FARS2: variants seen among roughly 807,000 people sequenced by gnomAD.
FARS2 encodes phenylalanyl-tRNA synthetase 2, mitochondrial.
FARS2 carries 40 observed loss-of-function variants against 46.4 expected under a neutral mutation model. The ratio of observed to expected loss-of-function variants is 0.86; its 90% CI spans 0.67 to 1.12. The LOEUF is 1.12. Among genes scored for constraint, FARS2 ranks in the 50% most tolerant of loss-of-function variants. FARS2 has a pLI of 0.00. For synonymous variants in FARS2, 234 were observed against 214.9 expected, an observed-to-expected ratio of 1.09 and a Z score of -0.78; for missense variants, 513 against 567.9, an observed-to-expected ratio of 0.90 and a Z score of 0.98.
chr6:5,606,497 A>G (rs1774846152), intron 5 of FARS2, among the ~76,000 whole-genome samples: 2 of 152,076 alleles, frequency 1.3e-5, no homozygotes. Context: ...TTCACTGCCA[A>G]AAAAAACTGT....
At chr6:5,711,911 A>T (rs1458499908) in intron 6 of FARS2, among the ~76,000 whole-genome samples, 1 of 152,246 alleles carries the variant, frequency 6.6e-6, no homozygotes, top group Admixed American at 6.5e-5. Flanking sequence ...ATACTCGTGT[A>T]CCAGGCTAAT....
intron 6 of FARS2, among the ~76,000 whole-genome samples, chr6:5,650,686 C>G (rs1001879796): frequency 3.9e-5 from 6 of 152,092 alleles, no homozygotes; most frequent in African/African-American, 1.4e-4. Flanking sequence ...ACCGTGTTAG[C>G]CAGGATGGTC....
intron 1 of FARS2, among the ~76,000 whole-genome samples, chr6:5,330,019 A>G (rs1342385488): frequency 6.6e-6 from 1 of 152,184 alleles, no homozygotes; most frequent in Non-Finnish European, 1.5e-5. Flanking sequence ...ACCCTTGTCC[A>G]TCCTGAAGCT....
Position 5,673,878 on chromosome 6 carries a change from T to C in FARS2, c.1217+60558T>C, listed in dbSNP as rs541693085. Among the ~76,000 whole-genome samples, 3 of 152,232 alleles carry C rather than the reference T, an allele frequency of 2.0e-5. No homozygotes were observed. The South Asian group carries it at 6.2e-4, about 32-fold the overall frequency. On this transcript the variant is annotated intron_variant, in intron 6 of 6. Transcript: ENST00000274680. ...ATATATATAATGTATCTGTACATCT[T>C]AGGGACTAGACAAACAAGGTGTTAA...
chr6:5,603,579 C>T (rs1454635010), intron 5 of FARS2, among the ~76,000 whole-genome samples: 1 of 152,238 alleles, frequency 6.6e-6, no homozygotes, highest in Non-Finnish European at 1.5e-5. Flanking sequence ...GTGCCTCCTT[C>T]ACCTCCAGTG....
chr6:5,485,496 G>T (rs186032946), intron 4 of FARS2, among the ~76,000 whole-genome samples: 15 of 135,578 alleles, frequency 1.1e-4, no homozygotes, highest in South Asian at 2.6e-4. Context: ...AAGTGGGGGG[G>T]ACTGGGCTTG....
chr6:5,524,035 A>G (rs766668153), intron 4 of FARS2, among the ~76,000 whole-genome samples: 6 of 152,194 alleles, frequency 3.9e-5, no homozygotes. Flanking sequence ...GAGTGATGAG[A>G]AGACTGGTCT....
chr6:5,448,488 T>TA (rs1764302711), intron 4 of FARS2, among the ~76,000 whole-genome samples: 1 of 151,874 alleles, frequency 6.6e-6, no homozygotes, highest in Admixed American at 6.6e-5. Context: ...TTTTTTCACT[T>TA]ACAGTGTATT....
Position 5,338,006 on chromosome 6 carries a change from GA to G in FARS2, c.-21-30540del, listed in dbSNP as rs200420315. On this transcript the variant is annotated intron_variant, in intron 1 of 6. Coordinates refer to ENST00000274680, the MANE Select transcript of FARS2 (RefSeq NM_006567.5). ...GAAAATCTATTAAAATAGTAGATTT[GA>G]AAACTTAAAGCAGATTTTAAAATAG... Among the ~76,000 whole-genome samples the G allele has an allele frequency of 5.9e-3, 895 of 152,222 alleles. 5 individuals carry two copies. The highest frequency in any genetic ancestry group is 0.017 in the Middle Eastern group (5 of 294).
rs1017645077 is a variant in FARS2, at chr6:5,746,511, A to G, written c.1218-24780A>G. Among the ~76,000 whole-genome samples, 8 of 151,924 alleles carry G rather than the reference A, an allele frequency of 5.3e-5. No individual in the cohort carries two copies. In the South Asian group the frequency reaches 1.7e-3, roughly 32 times the overall value. On this transcript the variant is annotated intron_variant, in intron 6 of 6. Coordinates refer to ENST00000274680, the MANE Select transcript of FARS2 (RefSeq NM_006567.5). ...CAAGCAGGGTGACAGGGTGCTCTTCATTTTTTCAAACCAAAGTTCTTTGCA... is the reference window on the plus strand; with the variant it reads ...CAAGCAGGGTGACAGGGTGCTCTTCGTTTTTTCAAACCAAAGTTCTTTGCA...
At chr6:5,265,353 A>AGG (rs1444439934) in intron 1 of FARS2, among the ~76,000 whole-genome samples, 1 of 152,206 alleles carries the variant, frequency 6.6e-6, no homozygotes, top group Non-Finnish European at 1.5e-5. Context: ...GGAGGTGGGA[A>AGG]GGGAGGGACC....
At chr6:5,265,137 A>G (rs1299607925) in intron 1 of FARS2, among the ~76,000 whole-genome samples, 2 of 152,184 alleles carry the variant, frequency 1.3e-5, no homozygotes, top group Admixed American at 6.5e-5. Flanking sequence ...TATGAGTAAT[A>G]TTAGTAAACG....
intron 1 of FARS2, among the ~76,000 whole-genome samples, chr6:5,347,985 G>C (rs555548801): frequency 3.9e-4 from 60 of 152,144 alleles, no homozygotes; most frequent in African/African-American, 1.3e-3. Flanking sequence ...ATCTTCTCTG[G>C]TGAAGTGTTT....
At chr6:5,646,537 T>C (rs895313372) in intron 6 of FARS2, among the ~76,000 whole-genome samples, 4 of 152,152 alleles carry the variant, frequency 2.6e-5, no homozygotes, top group African/African-American at 9.7e-5. Flanking sequence ...AAAGAATGCC[T>C]AGTAGGGTGT....
intron 3 of FARS2, among the ~76,000 whole-genome samples, chr6:5,425,915 A>G (rs1204289335): frequency 6.6e-6 from 1 of 152,198 alleles, no homozygotes; most frequent in Non-Finnish European, 1.5e-5. Flanking sequence ...GAGGGCAATC[A>G]TTATCCACGG....
chr6:5,545,784 T>A (rs1236555478), intron 5 of FARS2, among the ~76,000 whole-genome samples: 1 of 152,222 alleles, frequency 6.6e-6, no homozygotes, highest in Non-Finnish European at 1.5e-5. Flanking sequence ...GCAAAGGACG[T>A]GAACTCATTC....
chr6:5,274,977 A>G (rs888387763), intron 1 of FARS2, among the ~76,000 whole-genome samples: 2 of 152,188 alleles, frequency 1.3e-5, no homozygotes, highest in Non-Finnish European at 2.9e-5. Context: ...TCGGCCTCCC[A>G]AAGTGTTGGG....
At chr6:5,400,850 C>G (rs1230500045) in intron 2 of FARS2, among the ~76,000 whole-genome samples, 1 of 151,856 alleles carries the variant, frequency 6.6e-6, no homozygotes, top group Non-Finnish European at 1.5e-5. Context: ...TAATAATTGT[C>G]TTATTGATAT....
rs559490421 is a variant in FARS2 at position 5,715,357 on chromosome 6, G to A, written c.1218-55934G>A. 4.6e-5 allele frequency among the ~76,000 whole-genome samples: 7 copies of A among 152,172 alleles called. No homozygotes were observed. In the South Asian group the frequency reaches 8.3e-4, roughly 18 times the overall value. Reference sequence around the variant, plus strand: ...AAAGCATACAACTCACTGGCTTTTCGTATAGTCACAGAGTTGTGCGTTCGT... The same window carrying A: ...AAAGCATACAACTCACTGGCTTTTCATATAGTCACAGAGTTGTGCGTTCGT... On this transcript the variant is annotated intron_variant, in intron 6 of 6. Transcript: ENST00000274680.
Sources: allele counts gnomAD v4.1 joint callset (sites outside exome capture counted in the v4.1 genomes callset), GRCh38; gene constraint gnomAD v4.1.1; transcripts MANE v1.5; gene names NCBI Gene and HGNC (gene_info 2026-07-23, HGNC 2026-07-21).